The following PKD1 variants were observed in gnomAD, a reference collection of about 807,000 sequenced individuals.
PKD1 encodes the protein polycystin 1, transient receptor potential channel interacting, also known as polycystin-1.
Under a neutral mutation model 361.7 loss-of-function variants are expected in PKD1, and 81 were observed. The observed-to-expected ratio is 0.22, with a 90% confidence interval of 0.19 to 0.27. The LOEUF (loss-of-function observed/expected upper bound fraction) is 0.27. Among genes scored for constraint, PKD1 ranks in the 10% least tolerant of loss-of-function variants. The probability of loss-of-function intolerance (pLI) is 1.00; values close to 1 mark genes in which losing one functional copy is unlikely to be tolerated. For missense variants in PKD1, 6,399 were observed against 6,118.3 expected, an observed-to-expected ratio of 1.05 and a Z score of -1.53; for synonymous variants, 3,615 against 2,818.3, an observed-to-expected ratio of 1.28 and a Z score of -8.95.
chr16:2,089,853 T>G lies in PKD1; in HGVS notation c.12786A>C (p.Pro4262=). 1 of 1,608,052 alleles carries G rather than the reference T, an allele frequency of 6.2e-7. No individual in the cohort carries two copies. Among genetic ancestry groups the G allele is most frequent in the Non-Finnish European group, 8.5e-7 (1 of 1,178,056 alleles). The change falls in exon 46 of 46, where the codon CCA becomes CCC. Residue 4262 remains proline (P), a synonymous_variant. Coordinates refer to ENST00000262304, the MANE Select transcript of PKD1 (RefSeq NM_001009944.3). ...SRAPAGSSRG[P]SPGLRPALPS... is the part of the protein sequence containing the mutation. ...GCAGTGCTGGCCGCAGGCCCGGGGA[T>G]GGGCCACGGGAAGATCCGGCGGGCG...
Position 2,112,916 on chromosome 16 carries a change from T to C in PKD1, c.3033A>G (p.Val1011=). ...GCATCCTGTTCATCCGCTCCACGGTTACGTTGTAGTTCACGGTGACGTTGC... is the reference window on the plus strand; with the variant it reads ...GCATCCTGTTCATCCGCTCCACGGTCACGTTGTAGTTCACGGTGACGTTGC... The part of the protein sequence containing the change: ...HVSNVTVNYN[V]TVERMNRMQG... Residue 1011 remains valine, a synonymous_variant, in exon 13 of 46, where the codon GTA becomes GTG. Coordinates refer to ENST00000262304, the MANE Select transcript of PKD1 (RefSeq NM_001009944.3). The C allele has an allele frequency of 6.2e-7, 1 of 1,605,798 alleles. No individual in the cohort carries two copies. Among genetic ancestry groups the C allele is most frequent in the Non-Finnish European group, 8.5e-7 (1 of 1,179,772 alleles).
rs997720002 is a variant in PKD1 at position 2,089,543 on chromosome 16, G to T, written c.*184C>A. 2 of 694,160 alleles carry T rather than the reference G, an allele frequency of 2.9e-6. No individual in the cohort carries two copies. Among genetic ancestry groups the T allele is most frequent in the Admixed American group, 2.5e-5 (1 of 40,234 alleles). 43.0% of individuals were successfully genotyped at this position (694,160 alleles called of 1,614,324 possible). ...AAGGGAGCTGGGGAGGGGACCCTGG[G>T]TCCTGGTTGGCCACACAGCCTCTTT... On this transcript the variant is annotated 3_prime_UTR_variant, in exon 46 of 46. Transcript: ENST00000262304.
intron 16 of PKD1, 68 bp from the exon 17 acceptor site, chr16:2,107,016 T>C (rs2092362170): frequency 6.9e-6 from 10 of 1,459,254 alleles, no homozygotes; most frequent in East Asian, 6.8e-5. Flanking sequence ...GGGGGACCCA[T>C]GGAGGATGCT....
Position 2,092,106 on chromosome 16 carries a change from G to A in PKD1, c.11352C>T (p.Gly3784=), listed in dbSNP as rs1206671867. The A allele has an allele frequency of 6.2e-7, 1 of 1,612,784 alleles. No individual in the cohort carries two copies. Among genetic ancestry groups the A allele is most frequent in the African/African-American group, 1.3e-5 (1 of 74,950 alleles). ...GGFSTSDYDV[G]WESPHNGSGT... ...CCGAGCCATTGTGAGGACTCTCCCA[G>A]CCAACGTCGTAATCGCTGGTGCTGA... is the stretch of plus-strand genomic sequence containing the variant. Residue 3784 remains glycine, a synonymous_variant, in exon 40 of 46, where the codon GGC becomes GGT. Transcript: ENST00000262304.
rs1268991548 is a variant in PKD1, at chr16:2,091,505, C to T, written c.11630G>A (p.Gly3877Asp). 8.4e-6 allele frequency: 12 copies of T among 1,431,954 alleles called. No individual in the cohort carries two copies. In the East Asian group the frequency reaches 2.7e-4, roughly 32 times the overall value. 88.7% of individuals were successfully genotyped at this position (1,431,954 alleles called of 1,614,324 possible). ...GACGCTGAGGGCGGCCAGGGCGCGG[C>T]CGGCCGCCGGGAACTCGAGGCGCAG... ...VTLRLEFPAA[G>D]RALAALSVRP... is the part of the protein sequence containing the mutation. Residue 3877 changes from glycine to aspartate, a missense_variant, in exon 42 of 46, where the codon GGC becomes GAC. Coordinates refer to ENST00000262304, the MANE Select transcript of PKD1 (RefSeq NM_001009944.3).
chr16:2,100,907 G>C lies in PKD1; in HGVS notation c.9398-341C>G. ...AACCGGTGACCCGCACCACACACCC[G>C]TCCCTCAGTTCATGCACAGACTGCA... On this transcript the variant is annotated intron_variant, in intron 26 of 45. Coordinates refer to ENST00000262304, the MANE Select transcript of PKD1 (RefSeq NM_001009944.3). This position sits in a 1 kb window ranked among gnomAD's most constrained non-coding sequence, Gnocchi z 4.4. 3 of 433,056 alleles carry C rather than the reference G, an allele frequency of 6.9e-6. No individual in the cohort carries two copies. The highest frequency in any genetic ancestry group is 6.5e-5 in the South Asian group (3 of 45,836). The allele number at this position is 433,056 out of a possible 1,614,324, so 26.8% of individuals were successfully genotyped here. A position where few individuals can be genotyped will look rare whatever the true frequency, so the allele number is the denominator to read the frequency against.
chr16:2,129,294 G>T (rs896049313), intron 1 of PKD1, among the ~76,000 whole-genome samples: 2 of 150,774 alleles, frequency 1.3e-5, no homozygotes, highest in African/African-American at 4.9e-5. Context: ...CAACTAGCTG[G>T]GACTACAGGC....
intron 6 of PKD1, among the ~76,000 whole-genome samples, 169 bp downstream of exon 6, chr16:2,117,320 T>C (rs943293726): frequency 1.4e-4 from 22 of 152,154 alleles, no homozygotes; most frequent in African/African-American, 5.3e-4. Context: ...CATGTCCACC[T>C]CTGCATCTGC....
chr16:2,109,524 G>A lies in PKD1; in HGVS notation c.5643C>T (p.Leu1881=). Residue 1881 remains leucine (L), a synonymous_variant, in exon 15 of 46, where the codon CTC becomes CTT. Coordinates refer to ENST00000262304, the MANE Select transcript of PKD1 (RefSeq NM_001009944.3). ...AVSWVSATYN[L]TAEEPIVGLV... ...GGCCCACGATGGGCTCCTCCGCCGT[G>A]AGGTTGTACGTGGCTGAGACCCAGC... The A allele has an allele frequency of 3.1e-6, 5 of 1,611,000 alleles. No individual in the cohort carries two copies. The highest frequency in any genetic ancestry group is 4.2e-6 in the Non-Finnish European group (5 of 1,179,424).
chr16:2,100,552 C>T lies in PKD1; in HGVS notation c.9412G>A (p.Val3138Met), dbSNP rs1358566538. 3.1e-6 allele frequency: 5 copies of T among 1,610,098 alleles called. No homozygotes were observed. Among genetic ancestry groups the T allele is most frequent in the Non-Finnish European group, 1.7e-6 (2 of 1,179,522 alleles). ...TCCACCCCATACAGCATGATGCCCA[C>T]GTGGGCCGTGGTACCTGGGAGGCAA... ...WGRGSGTTAH[V>M]GIMLYGVDSR... The change falls in exon 27 of 46, where the codon GTG becomes ATG. Residue 3138 changes from valine to methionine, a missense_variant. By Grantham distance (21) the Val-to-Met change is conservative. Coordinates refer to ENST00000262304, the MANE Select transcript of PKD1 (RefSeq NM_001009944.3). The surrounding 1 kb of genome is among the most constrained non-coding windows in gnomAD (Gnocchi z 4.4).
At chr16:2,105,765 G>A (rs1306481077) in intron 20 of PKD1, 100 bp downstream of exon 20, 8 of 1,388,320 alleles carry the variant, frequency 5.8e-6, no homozygotes, top group South Asian at 1.2e-5. Flanking sequence ...TATCTCTGGG[G>A]CCCGGGATGA....
chr16:2,115,947 G>C, intron 9 of PKD1, 45 bp downstream of exon 9: 3 of 1,537,998 alleles, frequency 2.0e-6, no homozygotes, highest in Non-Finnish European at 2.6e-6. Context: ...GCCACCCCGA[G>C]TCCTGCGGCG....
rs1325070469 is a variant in PKD1 at position 2,102,597 on chromosome 16, G to C, written c.8985C>G (p.Leu2995=). 1 of 1,611,112 alleles carries C rather than the reference G, an allele frequency of 6.2e-7. No individual in the cohort carries two copies. Among genetic ancestry groups the C allele is most frequent in the African/African-American group, 1.3e-5 (1 of 74,896 alleles). ...RDPAGSYHLN[L]SSHFRWSALQ... ...GCGCCGACCAGCGGAAGTGGCTGGA[G>C]AGGTTCAGATGGTAACTCCCCGCTG... Residue 2995 remains leucine (L), a synonymous_variant, in exon 25 of 46, where the codon CTC becomes CTG. Coordinates refer to ENST00000262304, the MANE Select transcript of PKD1 (RefSeq NM_001009944.3).
chr16:2,128,336 G>A (rs1200509464), intron 1 of PKD1, among the ~76,000 whole-genome samples: 3 of 139,134 alleles, frequency 2.2e-5, no homozygotes, highest in Non-Finnish European at 4.7e-5. Flanking sequence ...GGGCTGGCAG[G>A]GAGGGAGAGG....
In PKD1 at chr16:2,103,342, G is replaced by A. The variant is rs778582005; in HGVS notation, c.8715C>T (p.Val2905=). ...NSVVVQPQAS[V]GAVVTLDSSN... is the part of the protein sequence containing the mutation. ...TGCTGTCCAGGGTGACCACAGCACC[G>A]ACGGAGGCCTGGGGCTGGACCACAA... Residue 2905 remains valine, a synonymous_variant, in exon 23 of 46, where the codon GTC becomes GTT. Coordinates refer to ENST00000262304, the MANE Select transcript of PKD1 (RefSeq NM_001009944.3). The A allele has an allele frequency of 1.8e-5, 29 of 1,605,904 alleles. No homozygotes were observed. Among genetic ancestry groups the A allele is most frequent in the East Asian group, 4.5e-5 (2 of 44,882 alleles).
At position 2,090,293 on chromosome 16, in the gene PKD1, C is replaced by G. The variant is rs148478410; in HGVS notation, c.12436G>C (p.Val4146Leu). The G allele has an allele frequency of 1.2e-6, 2 of 1,609,996 alleles. No homozygotes were observed. Among genetic ancestry groups the G allele is most frequent in the Non-Finnish European group, 1.7e-6 (2 of 1,178,158 alleles). The change falls in exon 45 of 46, where the codon GTC becomes CTC. Residue 4146 changes from valine to leucine, a missense_variant. Physicochemically the swap from Val to Leu is conservative, Grantham distance 32. Transcript: ENST00000262304. ...RLRLWMGLSK[V>L]KEFRHKVRFE... ...CACTGGGCCGTACCCACCTCCTTGACCTTGCTGAGGCCCATCCAGAGGCGC... is the reference window on the plus strand; with the variant it reads ...CACTGGGCCGTACCCACCTCCTTGAGCTTGCTGAGGCCCATCCAGAGGCGC...
intron 23 of PKD1, 109 bp from the exon 24 acceptor site, chr16:2,103,079 A>G (rs1596524686): frequency 3.7e-6 from 5 of 1,346,306 alleles, no homozygotes; most frequent in Non-Finnish European, 5.2e-6. Flanking sequence ...GAAAGGCCAT[A>G]GGAGCCTCTG....
rs865797451 is a variant in PKD1 at position 2,104,517 on chromosome 16, G to C, written c.8142C>G (p.Asp2714Glu). The change falls in exon 22 of 46, where the codon GAC (aspartate) becomes GAG (glutamate). Residue 2714 changes from aspartate (D) to glutamate (E), a missense_variant. By Grantham distance (45) the Asp-to-Glu change is conservative. Transcript: ENST00000262304. The part of the protein sequence containing the change: ...AGTVTPTAIG[D>E]SILNITGDLI... ...CGGCACCTGTGATGTTGAGGATGCT[G>C]TCTCCGATGGCGGTGGGCGTCACGG... is the stretch of plus-strand genomic sequence containing the variant. The C allele has an allele frequency of 6.5e-7, 1 of 1,548,748 alleles. No homozygotes were observed. The highest frequency in any genetic ancestry group is 1.4e-5 in the African/African-American group (1 of 71,948).
chr16:2,134,706 A>C (rs1431039789), intron 1 of PKD1, among the ~76,000 whole-genome samples: 1 of 148,196 alleles, frequency 6.7e-6, no homozygotes, highest in Non-Finnish European at 1.5e-5. Context: ...TCGGATGGTC[A>C]GAGTCAGGAT....
Sources: allele counts gnomAD v4.1 joint callset (sites outside exome capture counted in the v4.1 genomes callset), GRCh38; gene constraint gnomAD v4.1.1; non-coding constraint Gnocchi (gnomAD v3.1); transcripts MANE v1.5; gene names NCBI Gene and HGNC (gene_info 2026-07-23, HGNC 2026-07-21).